Variants in NEDD4L observed in about 807,000 individuals in gnomAD.
NEDD4L encodes E3 ubiquitin-protein ligase NEDD4-like.
In NEDD4L, 54 loss-of-function variants were observed where a neutral mutation model predicts 148.9. That is an observed-to-expected ratio of 0.36 (90% confidence interval 0.29 to 0.45). NEDD4L has a LOEUF of 0.45. Among genes scored for constraint, NEDD4L ranks in the 20% least tolerant of loss-of-function variants. The pLI, the probability that NEDD4L is intolerant of heterozygous loss-of-function variation, is 1.00. For missense variants in NEDD4L, 856 were observed against 1,233.8 expected (o/e 0.69, Z 4.59); for synonymous variants, 433 against 440.7 (o/e 0.98, Z 0.22).
intron 5 of NEDD4L, 28 bp from the exon 6 acceptor site, chr18:58,315,954 C>T (rs760681849): frequency 2.5e-6 from 4 of 1,594,190 alleles, no homozygotes; most frequent in Non-Finnish European, 3.4e-6. Context: ...GAAATGGAAA[C>T]ACTAACTCTT....
chr18:58,101,578 C>G (rs1249403655), intron 1 of NEDD4L, among the ~76,000 whole-genome samples: 1 of 152,110 alleles, frequency 6.6e-6, no homozygotes, highest in Non-Finnish European at 1.5e-5. Flanking sequence ...GACTGTTGCT[C>G]ATTGCACTGG....
At chr18:58,152,076 A>T (rs2034844982) in intron 1 of NEDD4L, among the ~76,000 whole-genome samples, 1 of 151,466 alleles carries the variant, frequency 6.6e-6, no homozygotes, top group Non-Finnish European at 1.5e-5. Flanking sequence ...ATTTCTTATT[A>T]TGAAGGCATT....
At chr18:58,386,551 G>A (rs868355037) in intron 26 of NEDD4L, among the ~76,000 whole-genome samples, 2 of 152,250 alleles carry the variant, frequency 1.3e-5, no homozygotes, top group Non-Finnish European at 1.5e-5. Flanking sequence ...TATCAGGGAT[G>A]CTCCCAGGCC....
chr18:58,151,378 C>A (rs866143869), intron 1 of NEDD4L, among the ~76,000 whole-genome samples: 2 of 152,108 alleles, frequency 1.3e-5, no homozygotes, highest in Non-Finnish European at 1.5e-5. Context: ...TTCACTGTTG[C>A]GTGTTAGCAC....
intron 2 of NEDD4L, among the ~76,000 whole-genome samples, chr18:58,238,112 T>C (rs1316761085): frequency 6.6e-6 from 1 of 152,256 alleles, no homozygotes; most frequent in Non-Finnish European, 1.5e-5. Flanking sequence ...AACCCATTAA[T>C]CTCTTATTTT....
intron 5 of NEDD4L, among the ~76,000 whole-genome samples, chr18:58,289,931 T>A (rs1305805116): frequency 6.6e-6 from 1 of 152,270 alleles, no homozygotes; most frequent in African/African-American, 2.4e-5. Flanking sequence ...ATTTCCTTAG[T>A]GAAATTAAGT....
At chr18:58,156,001 A>C (rs568112385) in intron 1 of NEDD4L, among the ~76,000 whole-genome samples, 2 of 152,284 alleles carry the variant, frequency 1.3e-5, no homozygotes, top group South Asian at 4.2e-4. Context: ...ACTGCAGGCC[A>C]GGTTTATCTC....
intron 5 of NEDD4L, among the ~76,000 whole-genome samples, chr18:58,284,562 A>G (rs1600693575): frequency 4.0e-5 from 5 of 126,184 alleles, no homozygotes; most frequent in East Asian, 4.3e-4. Context: ...AGGGAGAGTT[A>G]TACGAATAGA....
chr18:58,327,721 C>G (rs1224265766), intron 9 of NEDD4L, among the ~76,000 whole-genome samples: 1 of 152,126 alleles, frequency 6.6e-6, no homozygotes, highest in Non-Finnish European at 1.5e-5. Flanking sequence ...AATGAGTGTT[C>G]TTGATAAGTA....
chr18:58,075,724 G>A (rs779727260), intron 1 of NEDD4L, among the ~76,000 whole-genome samples: 60 of 152,192 alleles, frequency 3.9e-4, no homozygotes, highest in Non-Finnish European at 7.8e-4. Context: ...AAAGGAGTTC[G>A]AGACCAGCCT....
At chr18:58,051,291 AAAG>A (rs1376027203) in intron 1 of NEDD4L, among the ~76,000 whole-genome samples, 3 of 152,198 alleles carry the variant, frequency 2.0e-5, no homozygotes, top group Non-Finnish European at 4.4e-5. Context: ...AGATCACCCC[AAAG>A]AAGAACTCCC....
chr18:58,220,831 C>A (rs905156767), intron 2 of NEDD4L, among the ~76,000 whole-genome samples: 17 of 152,160 alleles, frequency 1.1e-4, no homozygotes, highest in Admixed American at 1.1e-3. Flanking sequence ...GTTTGACTTG[C>A]TCTTGGAATT....
chr18:58,080,423 G>A (rs1021309585), intron 1 of NEDD4L, among the ~76,000 whole-genome samples: 4 of 152,362 alleles, frequency 2.6e-5, no homozygotes, highest in African/African-American at 9.6e-5. Flanking sequence ...GATATGGGCA[G>A]TAAAGTGGGA....
chr18:58,085,063 A>G (rs2083688043), intron 1 of NEDD4L, among the ~76,000 whole-genome samples: 1 of 151,968 alleles, frequency 6.6e-6, no homozygotes, highest in Non-Finnish European at 1.5e-5. Flanking sequence ...CATCAGCTCT[A>G]CTGGATTAGA....
At chr18:58,068,806 A>G (rs977652025) in intron 1 of NEDD4L, among the ~76,000 whole-genome samples, 5 of 152,150 alleles carry the variant, frequency 3.3e-5, no homozygotes, top group African/African-American at 1.2e-4. Flanking sequence ...TAATGGGGCA[A>G]AGTGGACCCT....
At chr18:58,059,000 A>AG (rs2082208868) in intron 1 of NEDD4L, among the ~76,000 whole-genome samples, 1 of 152,240 alleles carries the variant, frequency 6.6e-6, no homozygotes, top group Non-Finnish European at 1.5e-5. Flanking sequence ...GATAATCATG[A>AG]GGTCAGTTGG....
chr18:58,238,980 A>G (rs1263726151), intron 2 of NEDD4L, among the ~76,000 whole-genome samples: 3 of 152,222 alleles, frequency 2.0e-5, no homozygotes, highest in South Asian at 2.1e-4. Context: ...TAAATGTTTT[A>G]TAAGTGTTAT....
At chr18:58,084,889 C>T (rs1437681693) in intron 1 of NEDD4L, among the ~76,000 whole-genome samples, 2 of 151,956 alleles carry the variant, frequency 1.3e-5, no homozygotes, top group South Asian at 4.2e-4. Flanking sequence ...GAGACTGGGT[C>T]TTCCTATGTT....
At chr18:58,148,531 G>T (rs559216658) in intron 1 of NEDD4L, among the ~76,000 whole-genome samples, 1 of 152,306 alleles carries the variant, frequency 6.6e-6, no homozygotes, top group African/African-American at 2.4e-5. Flanking sequence ...TTTCTCCCGA[G>T]GCCTCTGTTC....
Sources: gnomAD v4.1 joint callset for allele counts (sites outside exome capture counted in the v4.1 genomes callset) on GRCh38, gnomAD v4.1.1 for gene constraint, MANE v1.5 for transcripts, NCBI Gene and HGNC (gene_info 2026-07-23, HGNC 2026-07-21) for gene names.